LIN28B: variants seen among roughly 807,000 people sequenced by gnomAD.
LIN28B encodes protein lin-28 homolog B.
In LIN28B, 5 loss-of-function variants were observed where a neutral mutation model predicts 21.9. That is an observed-to-expected ratio of 0.23 (90% confidence interval 0.12 to 0.48). The LOEUF is 0.48. Ranked by LOEUF, LIN28B falls within the 20% of genes least tolerant of loss-of-function variation. The pLI, the probability that LIN28B is intolerant of heterozygous loss-of-function variation, is 0.98. For synonymous variants in LIN28B, 109 were observed against 111.3 expected (o/e 0.98, Z 0.13); for missense variants, 245 against 310.5 (o/e 0.79, Z 1.58).
At chr6:104,956,121 T>G (rs1778285696), upstream of LIN28B, among the ~76,000 whole-genome samples, 1 of 152,120 alleles carries the variant, frequency 6.6e-6, no homozygotes, top group Non-Finnish European at 1.5e-5. Context: ...CCACTTGTCC[T>G]TCTTTCTCCA....
intron 2 of LIN28B, among the ~76,000 whole-genome samples, chr6:104,937,380 C>T (rs1307232105): frequency 2.6e-5 from 4 of 152,100 alleles, no homozygotes; most frequent in Non-Finnish European, 4.4e-5. Context: ...ACCTCCGCCT[C>T]CCGGCTGTCT....
intron 2 of LIN28B, among the ~76,000 whole-genome samples, chr6:104,987,498 T>TA (rs1770372067): frequency 6.6e-6 from 1 of 152,082 alleles, no homozygotes; most frequent in African/African-American, 2.4e-5. Context: ...CTCACACCGC[T>TA]ATGCCCAGCC....
intron 3 of LIN28B, among the ~76,000 whole-genome samples, chr6:105,030,592 C>CTTT (rs980799980): frequency 2.7e-3 from 286 of 106,460 alleles, no homozygotes; most frequent in African/African-American, 3.1e-3. Flanking sequence ...TTCTTTCTTT[C>CTTT]TTTTTTTTTT....
chr6:105,026,295 C>T lies in LIN28B; in HGVS notation c.199-3C>T. 6.4e-7 allele frequency: 1 copy of T among 1,566,054 alleles called. No homozygotes were observed. The highest frequency in any genetic ancestry group is 8.7e-7 in the Non-Finnish European group (1 of 1,152,052). ...CTCCCCCACCCTCTTCTGCTCTTTA[C>T]AGAGCAAACTATTCATGGAAGGATT... On this transcript the variant is annotated splice_polypyrimidine_tract_variant and splice_region_variant and intron_variant, in intron 2 of 3. Coordinates refer to ENST00000345080, the MANE Select transcript of LIN28B (RefSeq NM_001004317.4).
chr6:105,058,119 T>C (rs1322898302), intron 3 of LIN28B: 5 of 401,466 alleles, frequency 1.2e-5, no homozygotes, highest in African/African-American at 1.1e-4. Context: ...GAGGAGGGTA[T>C]GTGTTTATTT....
chr6:105,003,565 T>G (rs534279864), intron 2 of LIN28B, among the ~76,000 whole-genome samples: 1 of 152,084 alleles, frequency 6.6e-6, no homozygotes, highest in East Asian at 1.9e-4. Context: ...CAGGCTGGAG[T>G]GCAGTGGTGC....
At chr6:105,067,792 CATAATGGAATGATAT>C (rs1772248090) in intron 3 of LIN28B, among the ~76,000 whole-genome samples, 1 of 152,130 alleles carries the variant, frequency 6.6e-6, no homozygotes, top group Non-Finnish European at 1.5e-5. Flanking sequence ...TACTTTTAAA[CATAATGGAATGATAT>C]ATAAAAATGT....
intron 2 of LIN28B, among the ~76,000 whole-genome samples, chr6:105,024,058 C>T (rs535422291): frequency 2.6e-5 from 4 of 152,034 alleles, no homozygotes; most frequent in East Asian, 1.9e-4. Context: ...TCTCGATCTC[C>T]GCTCACTGCA....
intron 3 of LIN28B, among the ~76,000 whole-genome samples, chr6:105,050,797 T>G (rs1478607424): frequency 6.6e-6 from 1 of 151,384 alleles, no homozygotes; most frequent in Non-Finnish European, 1.5e-5. Context: ...CTTAAAATTT[T>G]TTTTTCTTTT....
intron 3 of LIN28B, among the ~76,000 whole-genome samples, chr6:105,049,499 C>T (rs1363053687): frequency 1.3e-5 from 2 of 152,174 alleles, no homozygotes; most frequent in East Asian, 1.9e-4. Flanking sequence ...GTGGAGAGTT[C>T]TGTAGATGTC....
intron 3 of LIN28B, among the ~76,000 whole-genome samples, chr6:105,034,516 T>G (rs1239277307): frequency 1.3e-5 from 2 of 152,022 alleles, no homozygotes; most frequent in Non-Finnish European, 2.9e-5. Context: ...ATTTCTTTAG[T>G]TTGATCATAG....
At chr6:105,019,593 C>T (rs989274515) in intron 2 of LIN28B, among the ~76,000 whole-genome samples, 4 of 152,152 alleles carry the variant, frequency 2.6e-5, no homozygotes, top group African/African-American at 7.2e-5. Context: ...GCCCATTGCT[C>T]GTTCTTACCC....
At chr6:104,967,198 C>T (rs1769879121) in intron 2 of LIN28B, among the ~76,000 whole-genome samples, 1 of 151,968 alleles carries the variant, frequency 6.6e-6, no homozygotes, top group Admixed American at 6.6e-5. Flanking sequence ...TTTCATTTAT[C>T]ATTATGGTAT....
chr6:104,950,441 C>T, intron 2 of LIN28B: 1 of 1,213,146 alleles, frequency 8.2e-7, no homozygotes. Flanking sequence ...GTAGTACTGA[C>T]TTGAGCTCTC....
At chr6:105,020,107 C>CT (rs1158938023) in intron 2 of LIN28B, among the ~76,000 whole-genome samples, 4,038 of 87,552 alleles carry the variant, frequency 0.046, 185 homozygotes, top group African/African-American at 0.1. Context: ...TCCTGTTATT[C>CT]TTTTTTTTTT....
At chr6:104,949,489 C>T (rs73771028) in intron 2 of LIN28B, among the ~76,000 whole-genome samples, 6,041 of 152,232 alleles carry the variant, frequency 0.04, 436 homozygotes, top group African/African-American at 0.14. Context: ...TAGAACCCTG[C>T]ACTTGGAAAA....
At chr6:105,026,651 A>G (rs1771293062) in intron 3 of LIN28B, among the ~76,000 whole-genome samples, 169 bp downstream of exon 3, 1 of 152,206 alleles carries the variant, frequency 6.6e-6, no homozygotes, top group Non-Finnish European at 1.5e-5. Context: ...AATTATCTGC[A>G]GAATGTACTG....
Position 105,039,560 on chromosome 6 carries a change from C to T in LIN28B, c.383+13078C>T, listed in dbSNP as rs569128320. On this transcript the variant is annotated intron_variant, in intron 3 of 3. Coordinates refer to ENST00000345080, the MANE Select transcript of LIN28B (RefSeq NM_001004317.4). ...TGATATTATGTATTATGTATGGATA[C>T]TTACATGTGTGGCAAAAATGTGAAA... Among the ~76,000 whole-genome samples, 468 of 152,112 alleles carry T rather than the reference C, an allele frequency of 3.1e-3. 5 individuals are homozygous for T. The highest frequency in any genetic ancestry group is 9.6e-3 in the South Asian group (46 of 4,814).
chr6:104,949,265 G>A (rs1010099112), intron 2 of LIN28B, among the ~76,000 whole-genome samples: 2 of 152,124 alleles, frequency 1.3e-5, no homozygotes, highest in Non-Finnish European at 2.9e-5. Context: ...TCAATGTAAA[G>A]GAAAGCTCTG....
Sources: allele counts gnomAD v4.1 joint callset (sites outside exome capture counted in the v4.1 genomes callset), GRCh38; gene constraint gnomAD v4.1.1; transcripts MANE v1.5; gene names NCBI Gene and HGNC (gene_info 2026-07-23, HGNC 2026-07-21).